NDST4: variants seen among roughly 807,000 people sequenced by gnomAD.
The protein encoded by NDST4 is N-heparan sulfate sulfotransferase 4.
In NDST4, 63 loss-of-function variants were observed where a neutral mutation model predicts 100.8. The ratio of observed to expected loss-of-function variants is 0.62; its 90% confidence interval spans 0.51 to 0.77. The LOEUF (loss-of-function observed/expected upper bound fraction) is 0.77. Among genes scored for constraint, NDST4 ranks in the 30% least tolerant of loss-of-function variants. The pLI, the probability that NDST4 is intolerant of heterozygous loss-of-function variation, is 0.00. For missense variants in NDST4, 943 were observed against 1,018.4 expected (o/e 0.93, Z 1.01); for synonymous variants, 377 against 361.8 (o/e 1.04, Z -0.48).
intron 4 of NDST4, among the ~76,000 whole-genome samples, chr4:114,945,619 A>G (rs1725845528): frequency 6.6e-6 from 1 of 152,234 alleles, no homozygotes; most frequent in African/African-American, 2.4e-5. Flanking sequence ...TTGTAAAGAG[A>G]TAATGCATTA....
chr4:115,096,576 A>C (rs978494057), intron 1 of NDST4, among the ~76,000 whole-genome samples: 4 of 152,046 alleles, frequency 2.6e-5, no homozygotes, highest in African/African-American at 9.7e-5. Context: ...TATCCATTCT[A>C]GCTAAGGACA....
At chr4:114,980,624 A>G (rs1726745984) in intron 2 of NDST4, among the ~76,000 whole-genome samples, 1 of 152,200 alleles carries the variant, frequency 6.6e-6, no homozygotes, top group Non-Finnish European at 1.5e-5. Flanking sequence ...CCTGGGCGAC[A>G]AGAGTGAAAC....
At chr4:114,998,553 A>C (rs1171353323) in intron 2 of NDST4, among the ~76,000 whole-genome samples, 1 of 152,092 alleles carries the variant, frequency 6.6e-6, no homozygotes, top group African/African-American at 2.4e-5. Flanking sequence ...GATTCTGGGC[A>C]AGAATTAAAA....
intron 6 of NDST4, among the ~76,000 whole-genome samples, chr4:114,918,683 T>A (rs1313459097): frequency 2.6e-5 from 4 of 152,054 alleles, no homozygotes; most frequent in Non-Finnish European, 5.9e-5. Flanking sequence ...GAAAGAAACA[T>A]CTGACAGAGA....
In NDST4 at chr4:114,839,404, A is replaced by G; in HGVS notation, c.2260T>C (p.Trp754Arg). The G allele has an allele frequency of 6.2e-7, 1 of 1,612,126 alleles. No homozygotes were observed. Among genetic ancestry groups the G allele is most frequent in the Non-Finnish European group, 8.5e-7 (1 of 1,178,818 alleles). The stretch of plus-strand genomic sequence containing the variant: ...TGAGAAGTAGCAAAGTAAGTTAGCC[A>G]TCTTTCTATGTGGACTGCATACCAT... ...PGWYAVHIER[W>R]LTYFATSQLL... Residue 754 changes from tryptophan (W) to arginine (R), a missense_variant, in exon 11 of 14, where the codon TGG becomes CGG. Coordinates refer to ENST00000264363, the MANE Select transcript of NDST4 (RefSeq NM_022569.3).
At chr4:114,884,555 C>A (rs750536117) in intron 6 of NDST4, among the ~76,000 whole-genome samples, 24 of 151,964 alleles carry the variant, frequency 1.6e-4, no homozygotes, top group Non-Finnish European at 2.9e-4. Flanking sequence ...TGATGTGGTA[C>A]CTTTAAAAAT....
At chr4:115,080,655 C>CA (rs35031671) in intron 1 of NDST4, among the ~76,000 whole-genome samples, 38,815 of 151,588 alleles carry the variant, frequency 0.26, 6,799 homozygotes, top group African/African-American at 0.47. Context: ...AATAAAAACT[C>CA]ATTAAAAGAT....
intron 6 of NDST4, among the ~76,000 whole-genome samples, chr4:114,903,555 G>A (rs1477025051): frequency 3.9e-5 from 6 of 151,954 alleles, no homozygotes; most frequent in Admixed American, 3.9e-4. Context: ...CCAGTAAGTT[G>A]TAATTATTTG....
At position 114,970,537 on chromosome 4, in the gene NDST4, C is replaced by A. The variant is rs1560836870; in HGVS notation, c.1114G>T (p.Asp372Tyr). 1 of 1,613,840 alleles carries A rather than the reference C, an allele frequency of 6.2e-7. No individual in the cohort carries two copies. Among genetic ancestry groups the A allele is most frequent in the Non-Finnish European group, 8.5e-7 (1 of 1,179,892 alleles). ...EGDDLLLRSV[D>Y]EFWWFPHMWS... ...ATGTGAGGAAACCACCAGAACTCAT[C>A]CACAGACCGAAGTAAAAGGTCATCT... Residue 372 changes from aspartate to tyrosine, a missense_variant, in exon 4 of 14, where the codon GAT becomes TAT. Physicochemically the swap from Asp to Tyr is radical, Grantham distance 160. Coordinates refer to ENST00000264363, the MANE Select transcript of NDST4 (RefSeq NM_022569.3).
chr4:115,110,086 A>T (rs950620281), intron 1 of NDST4, among the ~76,000 whole-genome samples: 1 of 151,908 alleles, frequency 6.6e-6, no homozygotes, highest in Non-Finnish European at 1.5e-5. Flanking sequence ...TCTGAAAGAA[A>T]TTTTAGATTT....
At chr4:114,830,900 G>C (rs1329087493) in intron 12 of NDST4, among the ~76,000 whole-genome samples, 1 of 152,180 alleles carries the variant, frequency 6.6e-6, no homozygotes, top group Non-Finnish European at 1.5e-5. Flanking sequence ...TTTAGGGGGA[G>C]AGGGAAGTTT....
At chr4:115,087,430 A>G (rs1264181672) in intron 1 of NDST4, among the ~76,000 whole-genome samples, 1 of 151,860 alleles carries the variant, frequency 6.6e-6, no homozygotes, top group Admixed American at 6.6e-5. Flanking sequence ...CAGCAAAAAC[A>G]TCTAAATTAT....
At chr4:115,035,692 G>C (rs1290209562) in intron 2 of NDST4, among the ~76,000 whole-genome samples, 1 of 151,958 alleles carries the variant, frequency 6.6e-6, no homozygotes, top group Non-Finnish European at 1.5e-5. Context: ...TATTCTATAT[G>C]TGTACCTATA....
At chr4:115,050,305 T>C (rs1728556352) in intron 2 of NDST4, among the ~76,000 whole-genome samples, 1 of 152,092 alleles carries the variant, frequency 6.6e-6, no homozygotes, top group Admixed American at 6.6e-5. Flanking sequence ...TCTACAAATA[T>C]TGCAAAGTGA....
chr4:114,950,769 CA>C (rs1317258708), intron 4 of NDST4, among the ~76,000 whole-genome samples: 2 of 152,066 alleles, frequency 1.3e-5, no homozygotes, highest in Non-Finnish European at 2.9e-5. Flanking sequence ...TTATTTTTCA[CA>C]AATGTTATCA....
chr4:114,912,066 G>T (rs939476027), intron 6 of NDST4, among the ~76,000 whole-genome samples: 8 of 152,106 alleles, frequency 5.3e-5, no homozygotes, highest in African/African-American at 1.9e-4. Context: ...CATCCAAAAT[G>T]TAAAAGGGAA....
chr4:114,944,999 C>T (rs1205900672), intron 4 of NDST4, among the ~76,000 whole-genome samples: 4 of 151,786 alleles, frequency 2.6e-5, no homozygotes, highest in Non-Finnish European at 5.9e-5. Flanking sequence ...CATGTGAGGT[C>T]GGGAGTTCGA....
At chr4:114,962,269 C>T (rs1726279969) in intron 4 of NDST4, among the ~76,000 whole-genome samples, 1 of 151,884 alleles carries the variant, frequency 6.6e-6, no homozygotes, top group Non-Finnish European at 1.5e-5. Context: ...TTTGTTCTTG[C>T]CATTTCTATT....
intron 12 of NDST4, among the ~76,000 whole-genome samples, chr4:114,832,257 G>A (rs1198789656): frequency 6.6e-6 from 1 of 152,110 alleles, no homozygotes; most frequent in Non-Finnish European, 1.5e-5. Context: ...TCCATGTGTA[G>A]GTAAAAACTT....
Sources: gnomAD v4.1 joint callset for allele counts (sites outside exome capture counted in the v4.1 genomes callset) on GRCh38, gnomAD v4.1.1 for gene constraint, MANE v1.5 for transcripts, NCBI Gene and HGNC (gene_info 2026-07-23, HGNC 2026-07-21) for gene names.